LRP1B: variants seen among roughly 807,000 people sequenced by gnomAD.
The protein encoded by LRP1B is LDL receptor related protein 1B.
In LRP1B, 217 loss-of-function variants were observed where a neutral mutation model predicts 556.6. That is an observed-to-expected ratio of 0.39 (90% confidence interval 0.35 to 0.44). The LOEUF is 0.44. Ranked by LOEUF, LRP1B falls within the 20% of genes least tolerant of loss-of-function variation. The pLI is 1.00. For synonymous variants in LRP1B, 2,047 were observed against 1,865.8 expected (o/e 1.10, Z -2.50); for missense variants, 5,053 against 5,620.8 (o/e 0.90, Z 3.23).
intron 2 of LRP1B, among the ~76,000 whole-genome samples, chr2:141,771,838 G>A (rs926220237): frequency 3.3e-5 from 5 of 151,994 alleles, no homozygotes; most frequent in African/African-American, 9.7e-5. Context: ...TTGTTTTTGC[G>A]ATGAAGTTTT....
At chr2:140,277,505 T>C (rs1227571321) in intron 84 of LRP1B, among the ~76,000 whole-genome samples, 2 of 151,942 alleles carry the variant, frequency 1.3e-5, no homozygotes, top group Non-Finnish European at 2.9e-5. Context: ...GAGAATCGCT[T>C]GAACCCAGGA....
At chr2:140,282,779 C>G (rs1452367629) in intron 84 of LRP1B, among the ~76,000 whole-genome samples, 3 of 151,754 alleles carry the variant, frequency 2.0e-5, no homozygotes, top group Non-Finnish European at 4.4e-5. Flanking sequence ...CATTCCAATC[C>G]AAGTTAGATG....
At chr2:140,761,724 C>A (rs1413456844) in intron 35 of LRP1B, among the ~76,000 whole-genome samples, 1 of 152,114 alleles carries the variant, frequency 6.6e-6, no homozygotes, top group Non-Finnish European at 1.5e-5. Flanking sequence ...TGAATCCTCC[C>A]TAACTGAGCC....
At chr2:140,369,673 A>C (rs1452826274) in intron 71 of LRP1B, among the ~76,000 whole-genome samples, 2 of 151,950 alleles carry the variant, frequency 1.3e-5, no homozygotes, top group African/African-American at 4.8e-5. Flanking sequence ...TAAAAAAAAA[A>C]AACTATTTTT....
intron 52 of LRP1B, among the ~76,000 whole-genome samples, chr2:140,509,725 A>T (rs1189480779): frequency 1.3e-5 from 2 of 152,236 alleles, no homozygotes; most frequent in Non-Finnish European, 2.9e-5. Flanking sequence ...CCGACTGTGC[A>T]TGTTTGAAAC....
At chr2:140,964,174 G>A (rs370200670) in intron 18 of LRP1B, among the ~76,000 whole-genome samples, 3 of 152,108 alleles carry the variant, frequency 2.0e-5, no homozygotes, top group Admixed American at 1.3e-4. Context: ...GACAGCTTAC[G>A]CCATTATTTC....
intron 32 of LRP1B, among the ~76,000 whole-genome samples, chr2:140,779,101 C>T (rs540274870): frequency 1.3e-5 from 2 of 151,640 alleles, no homozygotes; most frequent in Non-Finnish European, 2.9e-5. Context: ...ATAAAATGGT[C>T]CTGCAACCAA....
At chr2:141,430,852 G>A (rs1203471643) in intron 3 of LRP1B, among the ~76,000 whole-genome samples, 1 of 152,058 alleles carries the variant, frequency 6.6e-6, no homozygotes, top group Non-Finnish European at 1.5e-5. Context: ...GAAATTGGCT[G>A]GGTGTGACGG....
At chr2:141,409,410 A>G (rs921979531) in intron 3 of LRP1B, among the ~76,000 whole-genome samples, 1 of 152,080 alleles carries the variant, frequency 6.6e-6, no homozygotes, top group African/African-American at 2.4e-5. Context: ...AGTATCAGAG[A>G]ATTATTATGA....
At chr2:141,578,702 T>G (rs1389052179) in intron 2 of LRP1B, among the ~76,000 whole-genome samples, 8 of 152,220 alleles carry the variant, frequency 5.3e-5, no homozygotes. Flanking sequence ...TGTTGACTGA[T>G]GCAATTTTAG....
At chr2:142,000,648 C>A (rs894559623) in intron 1 of LRP1B, among the ~76,000 whole-genome samples, 29 of 152,098 alleles carry the variant, frequency 1.9e-4, no homozygotes, top group African/African-American at 5.3e-4. Context: ...ATAGTGTTAA[C>A]AATAGTATCT....
At chr2:140,407,898 C>T (rs1322559812) in intron 66 of LRP1B, among the ~76,000 whole-genome samples, 2 of 151,996 alleles carry the variant, frequency 1.3e-5, no homozygotes, top group African/African-American at 4.8e-5. Context: ...TGGCAGCACA[C>T]TTCACCACTG....
intron 1 of LRP1B, among the ~76,000 whole-genome samples, chr2:141,917,276 A>G (rs1475605670): frequency 6.6e-6 from 1 of 152,154 alleles, no homozygotes; most frequent in Non-Finnish European, 1.5e-5. Flanking sequence ...AGGCCATCAC[A>G]TATTATTTTA....
At chr2:140,478,151 T>C (rs1221225901) in intron 59 of LRP1B, among the ~76,000 whole-genome samples, 1 of 145,506 alleles carries the variant, frequency 6.9e-6, no homozygotes, top group Non-Finnish European at 1.5e-5. Flanking sequence ...TAACTTTTTT[T>C]TTTTTTTTTT....
chr2:141,560,220 C>A (rs1686096725), intron 2 of LRP1B, among the ~76,000 whole-genome samples: 1 of 151,734 alleles, frequency 6.6e-6, no homozygotes, highest in Non-Finnish European at 1.5e-5. Context: ...TTAATGCATC[C>A]AGCATTATAG....
intron 1 of LRP1B, among the ~76,000 whole-genome samples, chr2:142,024,267 C>A (rs990159843): frequency 2.0e-5 from 3 of 152,308 alleles, no homozygotes; most frequent in Non-Finnish European, 2.9e-5. Flanking sequence ...TCTATTCTGG[C>A]AGTTATCCTA....
chr2:142,116,516 C>T (rs372448103), intron 1 of LRP1B, among the ~76,000 whole-genome samples: 21 of 152,156 alleles, frequency 1.4e-4, no homozygotes, highest in African/African-American at 5.1e-4. Context: ...AACATTGCAT[C>T]CTGGATTGGA....
At chr2:140,260,158 T>C (rs1681868499) in intron 86 of LRP1B, among the ~76,000 whole-genome samples, 1 of 151,952 alleles carries the variant, frequency 6.6e-6, no homozygotes, top group Admixed American at 6.6e-5. Context: ...GTTCTTGCTA[T>C]GGGCAAGAAG....
intron 3 of LRP1B, among the ~76,000 whole-genome samples, chr2:141,467,560 G>A (rs938411791): frequency 4.6e-5 from 7 of 152,094 alleles, no homozygotes; most frequent in Non-Finnish European, 1.5e-5. Flanking sequence ...CCAGCCTGAA[G>A]GCAGATAGAC....
Sources: gnomAD v4.1 joint callset for allele counts (sites outside exome capture counted in the v4.1 genomes callset) on GRCh38, gnomAD v4.1.1 for gene constraint, MANE v1.5 for transcripts, NCBI Gene and HGNC (gene_info 2026-07-23, HGNC 2026-07-21) for gene names.